Variants in WWOX observed in about 807,000 individuals in gnomAD.
WWOX encodes WW domain containing oxidoreductase, also known as WW domain-containing oxidoreductase.
In WWOX, 69 loss-of-function variants were observed where a neutral mutation model predicts 46.2. That is an observed-to-expected ratio of 1.49 (90% CI 1.23 to 1.82). The LOEUF is 1.82. Ranked by LOEUF, WWOX falls within the 40% of genes most tolerant of loss-of-function variation. WWOX has a pLI of 0.00. For synonymous variants in WWOX, 359 were observed against 202.6 expected (o/e 1.77, Z -6.56); for missense variants, 919 against 542.6 (o/e 1.69, Z -6.89).
intron 8 of WWOX, among the ~76,000 whole-genome samples, chr16:79,002,108 A>T (rs2047104631): frequency 6.6e-6 from 1 of 152,000 alleles, no homozygotes; most frequent in Non-Finnish European, 1.5e-5. Context: ...GTGAAACCTG[A>T]ATCTCAGCTG....
chr16:79,057,999 A>T (rs75668424), intron 8 of WWOX, among the ~76,000 whole-genome samples: 3,191 of 152,122 alleles, frequency 0.021, 128 homozygotes, highest in African/African-American at 0.074. Flanking sequence ...TCACGATGCT[A>T]TTCTCATAGT....
At chr16:78,836,962 AAG>A (rs1218603462) in intron 8 of WWOX, among the ~76,000 whole-genome samples, 2 of 152,142 alleles carry the variant, frequency 1.3e-5, no homozygotes, top group African/African-American at 4.8e-5. Context: ...AGTGCAGCAG[AAG>A]AGAGAAACAG....
intron 6 of WWOX, among the ~76,000 whole-genome samples, chr16:78,394,471 G>T (rs890136012): frequency 5.3e-5 from 8 of 152,038 alleles, no homozygotes; most frequent in African/African-American, 1.7e-4. Context: ...AGGGAAGAAT[G>T]CTTCCCTCCT....
At chr16:79,078,490 C>G (rs2048701467) in intron 8 of WWOX, among the ~76,000 whole-genome samples, 2 of 152,172 alleles carry the variant, frequency 1.3e-5, no homozygotes, top group Admixed American at 1.3e-4. Flanking sequence ...CGCAACATTT[C>G]TCTCTGTAGG....
intron 8 of WWOX, among the ~76,000 whole-genome samples, chr16:79,130,032 C>T (rs2150693419): frequency 6.6e-6 from 1 of 152,326 alleles, no homozygotes; most frequent in East Asian, 1.9e-4. Flanking sequence ...TCCTTGTTAG[C>T]AGTTTTCATT....
At chr16:78,334,885 G>GAAGAAAAT (rs143341897) in intron 5 of WWOX, among the ~76,000 whole-genome samples, 10,320 of 138,960 alleles carry the variant, frequency 0.074, 1,099 homozygotes, top group African/African-American at 0.24. Context: ...TGAACAAGAG[G>GAAGAAAAT]AAGAAAATTA....
intron 8 of WWOX, among the ~76,000 whole-genome samples, chr16:78,869,485 C>T (rs748087974): frequency 6.6e-6 from 1 of 152,240 alleles, no homozygotes; most frequent in African/African-American, 2.4e-5. Flanking sequence ...CCTCCCAGCT[C>T]ATCCGGTAAC....
chr16:78,871,162 T>C (rs1006262172), intron 8 of WWOX, among the ~76,000 whole-genome samples: 5 of 149,646 alleles, frequency 3.3e-5, no homozygotes, highest in Non-Finnish European at 7.4e-5. Flanking sequence ...TTCCCAACTT[T>C]CGTGAAGGTT....
chr16:78,305,538 G>A (rs77457802), intron 5 of WWOX, among the ~76,000 whole-genome samples: 3,387 of 152,058 alleles, frequency 0.022, 133 homozygotes, highest in African/African-American at 0.078. Context: ...CCCAGATCCC[G>A]TGAACTGATT....
At chr16:78,854,691 C>A (rs991342917) in intron 8 of WWOX, among the ~76,000 whole-genome samples, 2 of 152,188 alleles carry the variant, frequency 1.3e-5, no homozygotes, top group African/African-American at 4.8e-5. Flanking sequence ...AGTGATTCTC[C>A]TGCCTCAGCC....
intron 8 of WWOX, among the ~76,000 whole-genome samples, chr16:79,061,730 A>C (rs1194393386): frequency 2.6e-5 from 4 of 152,238 alleles, no homozygotes; most frequent in African/African-American, 9.6e-5. Flanking sequence ...GCTCAGGGCT[A>C]CTTCTCTTAG....
intron 8 of WWOX, among the ~76,000 whole-genome samples, chr16:78,727,069 T>C (rs943358680): frequency 2.0e-5 from 3 of 152,192 alleles, no homozygotes; most frequent in African/African-American, 7.2e-5. Flanking sequence ...CCCAGTGCCC[T>C]TGGCAGACCA....
At chr16:78,111,196 G>A (rs2032469079) in intron 3 of WWOX, among the ~76,000 whole-genome samples, 1 of 152,182 alleles carries the variant, frequency 6.6e-6, no homozygotes, top group South Asian at 2.1e-4. Flanking sequence ...TTTTATGTGG[G>A]CGAAAGAGTA....
intron 8 of WWOX, among the ~76,000 whole-genome samples, chr16:78,803,569 C>A (rs1226811099): frequency 2.0e-5 from 3 of 152,104 alleles, no homozygotes; most frequent in Non-Finnish European, 4.4e-5. Flanking sequence ...GCCTCAGCCT[C>A]CCAAGTAGCT....
In WWOX at chr16:79,173,312, T is replaced by C. The variant is rs181797002; in HGVS notation, c.1057-38296T>C. On this transcript the variant is annotated intron_variant, in intron 8 of 8. Coordinates refer to ENST00000566780, the MANE Select transcript of WWOX (RefSeq NM_016373.4). ...ATGTGCCATGTGCCATGTGCCATCTTAGAGACGTAAAAACACTTTGTATGT... is the reference window on the plus strand; with the variant it reads ...ATGTGCCATGTGCCATGTGCCATCTCAGAGACGTAAAAACACTTTGTATGT... 1.6e-4 allele frequency among the ~76,000 whole-genome samples: 18 copies of C among 110,892 alleles called. No individual in the cohort carries two copies. The East Asian group carries it at 6.6e-3, about 41-fold the overall frequency. The allele number at this position is 110,892 out of a possible 152,430, so 72.7% of individuals were successfully genotyped here.
At chr16:79,198,549 A>C (rs383673) in intron 8 of WWOX, among the ~76,000 whole-genome samples, 72,349 of 151,936 alleles carry the variant, frequency 0.48, 20,352 homozygotes, top group Non-Finnish European at 0.64. Flanking sequence ...GGAGCAACCT[A>C]ACTAGAGACA....
At chr16:78,884,783 T>C (rs1340437291) in intron 8 of WWOX, among the ~76,000 whole-genome samples, 1 of 152,238 alleles carries the variant, frequency 6.6e-6, no homozygotes, top group African/African-American at 2.4e-5. Context: ...CATGTATGTT[T>C]TGTGAATTTT....
At position 78,356,551 on chromosome 16, in the gene WWOX, G is replaced by C. The variant is rs189069898; in HGVS notation, c.517-30309G>C. 4.8e-3 allele frequency among the ~76,000 whole-genome samples: 725 copies of C among 152,208 alleles called. 7 individuals carry two copies. The highest frequency in any genetic ancestry group is 0.017 in the African/African-American group (690 of 41,522). On this transcript the variant is annotated intron_variant, in intron 5 of 8. Coordinates refer to ENST00000566780, the MANE Select transcript of WWOX (RefSeq NM_016373.4). ...TGTGGAGAGGTAGGTGCAGGGCAGTGGGACAGAGAGGTGCACTTTGAAAGA... is the reference window on the plus strand; with the variant it reads ...TGTGGAGAGGTAGGTGCAGGGCAGTCGGACAGAGAGGTGCACTTTGAAAGA...
intron 8 of WWOX, among the ~76,000 whole-genome samples, chr16:78,987,628 G>C (rs1283165370): frequency 1.3e-5 from 2 of 152,196 alleles, no homozygotes; most frequent in African/African-American, 4.8e-5. Flanking sequence ...CATGTTTCAA[G>C]TGGCTTTTTT....
Sources: gnomAD v4.1 joint callset for allele counts (sites outside exome capture counted in the v4.1 genomes callset) on GRCh38, gnomAD v4.1.1 for gene constraint, MANE v1.5 for transcripts, NCBI Gene and HGNC (gene_info 2026-07-23, HGNC 2026-07-21) for gene names.